The following HS6ST3 variants were observed in gnomAD, a reference collection of about 807,000 sequenced individuals.
HS6ST3 encodes the protein heparan-sulfate 6-O-sulfotransferase 3.
Under a neutral mutation model 36.7 loss-of-function variants are expected in HS6ST3, and 12 were observed. The observed-to-expected ratio is 0.33, with a 90% confidence interval of 0.21 to 0.53. HS6ST3 has a LOEUF of 0.53. Among genes scored for constraint, HS6ST3 ranks in the 20% least tolerant of loss-of-function variants. HS6ST3 has a pLI of 0.95. For synonymous variants in HS6ST3, 240 were observed against 257.5 expected, an observed-to-expected ratio of 0.93 and a Z score of 0.65; for missense variants, 584 against 640.9, an observed-to-expected ratio of 0.91 and a Z score of 0.96.
At chr13:96,145,935 G>C (rs927980529) in intron 1 of HS6ST3, among the ~76,000 whole-genome samples, 35 of 152,102 alleles carry the variant, frequency 2.3e-4, no homozygotes, top group Admixed American at 1.2e-3. Context: ...TCTTGTTTTT[G>C]TCAGGTTTGT....
At chr13:96,529,431 G>A (rs939940035) in intron 1 of HS6ST3, among the ~76,000 whole-genome samples, 6 of 152,132 alleles carry the variant, frequency 3.9e-5, no homozygotes, top group East Asian at 3.9e-4. Flanking sequence ...TATTTACAAG[G>A]TAGAACCTGA....
At chr13:96,458,695 A>G (rs868241716) in intron 1 of HS6ST3, among the ~76,000 whole-genome samples, 32 of 152,002 alleles carry the variant, frequency 2.1e-4, no homozygotes, top group Middle Eastern at 3.2e-3. Flanking sequence ...AAATTCATGG[A>G]TCATATGTCC....
At chr13:96,561,265 A>C (rs1317745492) in intron 1 of HS6ST3, among the ~76,000 whole-genome samples, 1 of 152,196 alleles carries the variant, frequency 6.6e-6, no homozygotes, top group East Asian at 1.9e-4. Flanking sequence ...GGTAAAGTCC[A>C]CAAAATAAGA....
At chr13:96,324,047 C>A (rs938699306) in intron 1 of HS6ST3, among the ~76,000 whole-genome samples, 5 of 152,186 alleles carry the variant, frequency 3.3e-5, no homozygotes, top group East Asian at 3.9e-4. Flanking sequence ...CATTGAGAAG[C>A]TGGATGCTTT....
intron 1 of HS6ST3, among the ~76,000 whole-genome samples, chr13:96,386,488 G>A (rs1433419258): frequency 6.6e-6 from 1 of 151,982 alleles, no homozygotes; most frequent in Non-Finnish European, 1.5e-5. Context: ...GCTTTATTGA[G>A]GAATAATTGA....
chr13:96,669,027 G>GA (rs2056674608), intron 1 of HS6ST3, among the ~76,000 whole-genome samples: 1 of 152,152 alleles, frequency 6.6e-6, no homozygotes, highest in Admixed American at 6.6e-5. Flanking sequence ...ATTGGTAATA[G>GA]AAAATTAATT....
intron 1 of HS6ST3, among the ~76,000 whole-genome samples, chr13:96,205,266 G>C (rs1337978867): frequency 1.3e-5 from 2 of 152,020 alleles, no homozygotes; most frequent in African/African-American, 4.8e-5. Flanking sequence ...ACCCTTCCAA[G>C]ACTGAACCAG....
chr13:96,688,076 T>TG (rs567747267), intron 1 of HS6ST3, among the ~76,000 whole-genome samples: 6 of 7,254 alleles, frequency 8.3e-4, no homozygotes, highest in African/African-American at 2.9e-3. Flanking sequence ...TGTCATGGAA[T>TG]GGGGGGGGGG....
At chr13:96,421,284 C>T (rs1040363012) in intron 1 of HS6ST3, among the ~76,000 whole-genome samples, 4 of 152,064 alleles carry the variant, frequency 2.6e-5, no homozygotes, top group Admixed American at 6.6e-5. Context: ...AAGAGAGATT[C>T]GTAAATTGTT....
intron 1 of HS6ST3, among the ~76,000 whole-genome samples, chr13:96,455,219 GGGT>G (rs2055749161): frequency 6.6e-6 from 1 of 151,838 alleles, no homozygotes; most frequent in Non-Finnish European, 1.5e-5. Flanking sequence ...CCACTACAAG[GGGT>G]TGTTGTTGTT....
At position 96,602,194 on chromosome 13, in the gene HS6ST3, TTTG is replaced by T. The variant is rs139299928; in HGVS notation, c.708-230275_708-230273del. Among the ~76,000 whole-genome samples, 96 of 152,010 alleles carry T rather than the reference TTTG, an allele frequency of 6.3e-4. 1 individual carries two copies. The highest frequency in any genetic ancestry group is 2.2e-3 in the African/African-American group (90 of 41,388). ...TCCCTCATTTCACAGAATCTGTATC[TTTG>T]TTGTTGTTGTTGTTGTTGTTTACTG... On this transcript the variant is annotated intron_variant, in intron 1 of 1. Transcript: ENST00000376705.
In HS6ST3 at chr13:96,330,595, T is replaced by C. The variant is rs964639517; in HGVS notation, c.707+239026T>C. 1.1e-4 allele frequency among the ~76,000 whole-genome samples: 16 copies of C among 151,874 alleles called. 1 individual carries two copies. The highest frequency in any genetic ancestry group is 9.2e-4 in the Admixed American group (14 of 15,250). ...TTCCCTTTGAGGGTAACCCGACCTT[T>C]CTCTCTGGCTGCCCTTAACATTTTT... On this transcript the variant is annotated intron_variant, in intron 1 of 1. Transcript: ENST00000376705.
chr13:96,253,554 C>G lies in HS6ST3; in HGVS notation c.707+161985C>G, dbSNP rs563285737. Among the ~76,000 whole-genome samples, 9 of 152,276 alleles carry G rather than the reference C, an allele frequency of 5.9e-5. No individual in the cohort carries two copies. The South Asian group carries it at 1.5e-3, about 25-fold the overall frequency. ...CAGGGCTCCCACAAAGTACTCTCAT[C>G]CATGAGTGGTCACCAAAATCAGTAT... On this transcript the variant is annotated intron_variant, in intron 1 of 1. Coordinates refer to ENST00000376705, the MANE Select transcript of HS6ST3 (RefSeq NM_153456.4).
chr13:96,544,822 A>C (rs2056191293), intron 1 of HS6ST3, among the ~76,000 whole-genome samples: 1 of 152,176 alleles, frequency 6.6e-6, no homozygotes, highest in African/African-American at 2.4e-5. Context: ...AGGCTCAGTA[A>C]TTACCAGGAA....
chr13:96,321,753 G>A (rs2055004042), intron 1 of HS6ST3, among the ~76,000 whole-genome samples: 1 of 152,086 alleles, frequency 6.6e-6, no homozygotes, highest in South Asian at 2.1e-4. Flanking sequence ...TCAGTCCGTG[G>A]CAGATTCAAC....
At chr13:96,111,094 T>G (rs1268402100) in intron 1 of HS6ST3, among the ~76,000 whole-genome samples, 5 of 152,168 alleles carry the variant, frequency 3.3e-5, no homozygotes, top group Non-Finnish European at 5.9e-5. Flanking sequence ...AAAATAAAAT[T>G]AAAATTCTAG....
chr13:96,639,194 A>G (rs1386715069), intron 1 of HS6ST3, among the ~76,000 whole-genome samples: 5 of 151,966 alleles, frequency 3.3e-5, no homozygotes, highest in East Asian at 1.9e-4. Flanking sequence ...TTTTTGTTAT[A>G]TGTATTTTGA....
At chr13:96,477,254 G>A (rs1374313517) in intron 1 of HS6ST3, among the ~76,000 whole-genome samples, 1 of 152,150 alleles carries the variant, frequency 6.6e-6, no homozygotes, top group South Asian at 2.1e-4. Context: ...TGCCTTTTGA[G>A]CTGGGAGACT....
intron 1 of HS6ST3, among the ~76,000 whole-genome samples, chr13:96,200,739 A>G (rs1263053507): frequency 2.0e-5 from 3 of 152,238 alleles, no homozygotes; most frequent in African/African-American, 7.2e-5. Flanking sequence ...AACAATGCCC[A>G]GCTATACTTT....
Sources: gnomAD v4.1 joint callset for allele counts (sites outside exome capture counted in the v4.1 genomes callset) on GRCh38, gnomAD v4.1.1 for gene constraint, MANE v1.5 for transcripts, NCBI Gene and HGNC (gene_info 2026-07-23, HGNC 2026-07-21) for gene names.